ADGRA1: variants seen among roughly 807,000 people sequenced by gnomAD.
The protein encoded by ADGRA1 is adhesion G protein-coupled receptor A1, also known as G-protein coupled receptor 123.
A neutral mutation model predicts 21.3 loss-of-function variants in ADGRA1; 12 were observed. That is an observed-to-expected ratio of 0.56 (90% CI 0.36 to 0.91). The LOEUF (loss-of-function observed/expected upper bound fraction) is 0.91. ADGRA1 is among the 40% of genes least tolerant of loss of function. ADGRA1 has a pLI of 0.01. For missense variants in ADGRA1, 790 were observed against 805.6 expected (o/e 0.98, Z 0.23); for synonymous variants, 385 against 368.8 (o/e 1.04, Z -0.50).
chr10:133,128,240 G>A (rs1031613478), intron 6 of ADGRA1, 89 bp from the exon 7 acceptor site: 2 of 980,210 alleles, frequency 2.0e-6, no homozygotes, highest in Admixed American at 3.2e-5. Flanking sequence ...TCGCTAGGCC[G>A]GGTGGGTGCA....
chr10:133,098,189 C>T (rs898196738), intron 3 of ADGRA1, among the ~76,000 whole-genome samples: 1 of 152,130 alleles, frequency 6.6e-6, no homozygotes, highest in East Asian at 1.9e-4. Context: ...AGGGCATGGC[C>T]GGCTCAGCCC....
Position 133,114,421 on chromosome 10 carries a change from C to A in ADGRA1, c.401+11579C>A, listed in dbSNP as rs530764092. 2.6e-5 allele frequency among the ~76,000 whole-genome samples: 4 copies of A among 152,310 alleles called. No individual in the cohort carries two copies. In the East Asian group the frequency reaches 7.7e-4, roughly 29 times the overall value. On this transcript the variant is annotated intron_variant, in intron 5 of 6. Transcript: ENST00000392607. ...TCAAAGCATCTTGTCAGTCACGAAG[C>A]GTCCTCAGCTCATGTCTGGAGCTGG...
At chr10:133,109,475 A>G (rs1388145383) in intron 5 of ADGRA1, among the ~76,000 whole-genome samples, 1 of 151,830 alleles carries the variant, frequency 6.6e-6, no homozygotes, top group Non-Finnish European at 1.5e-5. Flanking sequence ...TGTGGCTCAG[A>G]GCCTTCCTGT....
Position 133,108,949 on chromosome 10 carries a change from C to T in ADGRA1, c.401+6107C>T, listed in dbSNP as rs1238303790. On this transcript the variant is annotated intron_variant, in intron 5 of 6. Coordinates refer to ENST00000392607, the MANE Select transcript of ADGRA1 (RefSeq NM_001083909.3). ...CAGCTCCACTCGGCCCCAGCTCCAC[C>T]CGTCCCCTCATGTCCTCCACGGTCC... Among the ~76,000 whole-genome samples the T allele has an allele frequency of 2.1e-4, 31 of 149,896 alleles. 1 individual carries two copies. The highest frequency in any genetic ancestry group is 3.4e-4 in the Non-Finnish European group (23 of 67,376).
Position 133,095,870 on chromosome 10 carries a change from G to A in ADGRA1, c.4-1104G>A, listed in dbSNP as rs1003754710. On this transcript the variant is annotated intron_variant, in intron 2 of 6. Transcript: ENST00000392607. Reference sequence around the variant, plus strand: ...TCAGCCGGAGCCATCCCAGAGGCCCGGCCGGCTGCCTCCTCCTGCCCCGAT... The same window carrying A: ...TCAGCCGGAGCCATCCCAGAGGCCCAGCCGGCTGCCTCCTCCTGCCCCGAT... The A allele has an allele frequency of 3.2e-5, 47 of 1,477,000 alleles. 1 individual carries two copies. The highest frequency in any genetic ancestry group is 7.0e-5 in the African/African-American group (5 of 71,908). 91.5% of individuals were successfully genotyped at this position (1,477,000 alleles called of 1,614,324 possible). A position where few individuals can be genotyped will look rare whatever the true frequency, so the allele number is the denominator to read the frequency against.
chr10:133,122,632 C>T (rs979331321), intron 5 of ADGRA1, among the ~76,000 whole-genome samples: 1 of 152,240 alleles, frequency 6.6e-6, no homozygotes, highest in African/African-American at 2.4e-5. Flanking sequence ...GCCAGACACA[C>T]CAGCACCGCC....
chr10:133,112,781 CGGTTATTT>C (rs1392563483), intron 5 of ADGRA1, among the ~76,000 whole-genome samples: 147 of 141,796 alleles, frequency 1.0e-3, no homozygotes, highest in African/African-American at 3.7e-3. Flanking sequence ...TAAGCTATGT[CGGTTATTT>C]GGGGTCTGCG....
At chr10:133,092,751 G>GGAAAGAAGGA (rs1564842382) in intron 2 of ADGRA1, among the ~76,000 whole-genome samples, 1 of 77,588 alleles carries the variant, frequency 1.3e-5, no homozygotes, top group African/African-American at 6.3e-5. Flanking sequence ...AATAGGGAGG[G>GGAAAGAAGGA]AGGAAGGAAG....
In ADGRA1 at chr10:133,129,536, C is replaced by A; in HGVS notation, c.*25C>A. The A allele has an allele frequency of 1.3e-6, 2 of 1,546,820 alleles. No homozygotes were observed. Among genetic ancestry groups the A allele is most frequent in the South Asian group, 1.2e-5 (1 of 83,528 alleles). On this transcript the variant is annotated 3_prime_UTR_variant, in exon 7 of 7. Coordinates refer to ENST00000392607, the MANE Select transcript of ADGRA1 (RefSeq NM_001083909.3). ...GATGGGGGCAGAGGACACGGTGTTC[C>A]TGGAGGAGCTTCAGAGCAGAGTGGG...
In ADGRA1 at chr10:133,128,980, C is replaced by A; in HGVS notation, c.1152C>A (p.Cys384Ter). 1.3e-6 allele frequency: 2 copies of A among 1,561,940 alleles called. No individual in the cohort carries two copies. Among genetic ancestry groups the A allele is most frequent in the Non-Finnish European group, 1.7e-6 (2 of 1,154,520 alleles). ...ASCLSPATPC[C>*]AKMHCEPLTA... Reference sequence around the variant, plus strand: ...GCCTGTCACCGGCCACCCCGTGCTGCGCCAAGATGCACTGCGAGCCACTGA... The same window carrying A: ...GCCTGTCACCGGCCACCCCGTGCTGAGCCAAGATGCACTGCGAGCCACTGA... Residue 384 changes from cysteine (C) to a stop codon, truncating the protein, a stop_gained, in exon 7 of 7, where the codon TGC becomes TGA. Coordinates refer to ENST00000392607, the MANE Select transcript of ADGRA1 (RefSeq NM_001083909.3). LOFTEE classifies it low-confidence loss of function (END_TRUNC).
rs966841258 is a variant in ADGRA1, at chr10:133,096,894, C to T, written c.4-80C>T. On this transcript the variant is annotated intron_variant, in intron 2 of 6. Transcript: ENST00000392607. Reference sequence around the variant, plus strand: ...GAGCGGCTGCAGGGGAAGCCGAGCCCCAAGGGTAGGCTCAGGCGACGGCGC... The same window carrying T: ...GAGCGGCTGCAGGGGAAGCCGAGCCTCAAGGGTAGGCTCAGGCGACGGCGC... 26 of 1,521,854 alleles carry T rather than the reference C, an allele frequency of 1.7e-5. No homozygotes were observed. The African/African-American group carries it at 3.2e-4, about 19-fold the overall frequency. The allele number at this position is 1,521,854 out of a possible 1,614,324, so 94.3% of individuals were successfully genotyped here. A position where few individuals can be genotyped will look rare whatever the true frequency, so the allele number is the denominator to read the frequency against.
At chr10:133,096,880 G>T in intron 2 of ADGRA1, 94 bp from the exon 3 acceptor site, 2 of 1,459,670 alleles carry the variant, frequency 1.4e-6, no homozygotes, top group East Asian at 2.3e-5. Flanking sequence ...AGCGGCTGCA[G>T]GGGAAGCCGA....
chr10:133,090,565 G>A (rs930928239), intron 2 of ADGRA1, among the ~76,000 whole-genome samples: 13 of 152,210 alleles, frequency 8.5e-5, no homozygotes, highest in African/African-American at 3.1e-4. Flanking sequence ...AGCGTAGTGT[G>A]ACAGCGTAAT....
At chr10:133,102,403 G>GTGGT in intron 4 of ADGRA1, 3 of 549,744 alleles carry the variant, frequency 5.5e-6, no homozygotes, top group Non-Finnish European at 7.0e-6. Context: ...AGGGACCACA[G>GTGGT]CGGGTTGTGC....
At position 133,098,724 on chromosome 10, in the gene ADGRA1, C is replaced by T. The variant is rs755072976; in HGVS notation, c.216C>T (p.Gly72=). Residue 72 remains glycine (G), a synonymous_variant, in exon 4 of 7, where the codon GGC becomes GGT. Transcript: ENST00000392607. ...HAALTFTVFA[G]GINRTKYPIL... is the part of the protein sequence containing the mutation. ...CCCTGACCTTCACTGTGTTCGCCGG[C>T]GGCATCAATCGCACCAAGTACCCCA... 9 of 1,611,812 alleles carry T rather than the reference C, an allele frequency of 5.6e-6. No individual in the cohort carries two copies. Among genetic ancestry groups the T allele is most frequent in the Admixed American group, 1.7e-5 (1 of 60,014 alleles).
chr10:133,091,060 C>T (rs1851589312), intron 2 of ADGRA1, among the ~76,000 whole-genome samples: 1 of 152,248 alleles, frequency 6.6e-6, no homozygotes, highest in African/African-American at 2.4e-5. Context: ...GTGAACTTGC[C>T]TGTCTCCGCA....
Position 133,129,734 on chromosome 10 carries a change from C to G in ADGRA1, c.*223C>G. 1 of 393,200 alleles carries G rather than the reference C, an allele frequency of 2.5e-6. No individual in the cohort carries two copies. Among genetic ancestry groups the G allele is most frequent in the South Asian group, 3.4e-5 (1 of 29,010 alleles). The allele number at this position is 393,200 out of a possible 1,614,324, so 24.4% of individuals were successfully genotyped here. A position where few individuals can be genotyped will look rare whatever the true frequency, so the allele number is the denominator to read the frequency against. On this transcript the variant is annotated 3_prime_UTR_variant, in exon 7 of 7. Coordinates refer to ENST00000392607, the MANE Select transcript of ADGRA1 (RefSeq NM_001083909.3). ...GCCCCTTCCTTGTGAAAGACCTCAG[C>G]GGGGAAACGCTCCGGGCCACGCCCA...
intron 2 of ADGRA1, chr10:133,092,889 G>A (rs1032270948): frequency 1.3e-6 from 2 of 1,515,714 alleles, no homozygotes; most frequent in African/African-American, 2.8e-5. Flanking sequence ...AATGAAGGGA[G>A]CCTGAACCTG....
At chr10:133,127,511 C>G (rs186763993) in intron 6 of ADGRA1, among the ~76,000 whole-genome samples, 180 bp downstream of exon 6, 3 of 152,202 alleles carry the variant, frequency 2.0e-5, no homozygotes, top group African/African-American at 7.2e-5. Flanking sequence ...GCGCAGCGCC[C>G]CCTCCTCTCC....
Sources: gnomAD v4.1 joint callset for allele counts (sites outside exome capture counted in the v4.1 genomes callset) on GRCh38, gnomAD v4.1.1 for gene constraint, MANE v1.5 for transcripts, NCBI Gene and HGNC (gene_info 2026-07-23, HGNC 2026-07-21) for gene names.